IFT88: variants seen among roughly 807,000 people sequenced by gnomAD.
The protein encoded by IFT88 is intraflagellar transport 88, also known as intraflagellar transport protein 88 homolog.
Under a neutral mutation model 119.5 loss-of-function variants are expected in IFT88, and 74 were observed. The ratio of observed to expected loss-of-function variants is 0.62; its 90% CI spans 0.51 to 0.75. The LOEUF is 0.75. Among genes scored for constraint, IFT88 ranks in the 30% least tolerant of loss-of-function variants. IFT88 has a pLI of 0.00. For missense variants in IFT88, 961 were observed against 977.7 expected (o/e 0.98, Z 0.23); for synonymous variants, 279 against 316.7 (o/e 0.88, Z 1.26).
intron 20 of IFT88, among the ~76,000 whole-genome samples, chr13:20,653,424 T>A (rs1304289758): frequency 3.9e-5 from 6 of 152,228 alleles, no homozygotes; most frequent in African/African-American, 1.4e-4. Context: ...TTGATTTCTT[T>A]TTAATGGACA....
intron 14 of IFT88, among the ~76,000 whole-genome samples, chr13:20,617,060 C>T (rs1303739190): frequency 6.6e-6 from 1 of 152,122 alleles, no homozygotes; most frequent in Non-Finnish European, 1.5e-5. Flanking sequence ...TCTCCTGCCT[C>T]AGCCTCCCAA....
chr13:20,618,375 C>T (rs1430002976), intron 14 of IFT88, among the ~76,000 whole-genome samples: 1 of 152,136 alleles, frequency 6.6e-6, no homozygotes, highest in East Asian at 1.9e-4. Context: ...TTGTGTCAAG[C>T]CTCCCCAAGT....
At chr13:20,684,379 T>A (rs998302923) in intron 24 of IFT88, among the ~76,000 whole-genome samples, 3 of 152,098 alleles carry the variant, frequency 2.0e-5, no homozygotes, top group Non-Finnish European at 4.4e-5. Context: ...AACCTCTCCC[T>A]CCTTTGTCTC....
intron 22 of IFT88, among the ~76,000 whole-genome samples, chr13:20,658,602 A>G (rs2053269139): frequency 1.3e-5 from 2 of 152,236 alleles, no homozygotes; most frequent in South Asian, 4.1e-4. Context: ...CTGCTAGGCA[A>G]GAGTTTCTCG....
At chr13:20,635,076 T>C (rs368809044) in intron 16 of IFT88, among the ~76,000 whole-genome samples, 1 of 151,850 alleles carries the variant, frequency 6.6e-6, no homozygotes, top group Non-Finnish European at 1.5e-5. Context: ...GGCAATAGTT[T>C]GCTGAGAATG....
chr13:20,617,166 C>G (rs938962497), intron 14 of IFT88, among the ~76,000 whole-genome samples: 2 of 152,000 alleles, frequency 1.3e-5, no homozygotes, highest in African/African-American at 2.4e-5. Context: ...AAAAGTGATA[C>G]TATTACATAT....
At position 20,691,045 on chromosome 13, in the gene IFT88, G is replaced by A. The variant is rs78322783; in HGVS notation, c.2354-9G>A. ...ATAACTCTAACGTGACAATCTCTTCGAAACCTAGATGCCTCCTATGTGGAC... is the reference window on the plus strand; with the variant it reads ...ATAACTCTAACGTGACAATCTCTTCAAAACCTAGATGCCTCCTATGTGGAC... On this transcript the variant is annotated splice_polypyrimidine_tract_variant and intron_variant, in intron 25 of 25. Transcript: ENST00000351808. The A allele has an allele frequency of 7.9e-4, 1,280 of 1,610,674 alleles. 5 individuals carry two copies. The African/African-American group carries it at 0.014, about 18-fold the overall frequency.
At chr13:20,669,022 A>G (rs187973050) in intron 23 of IFT88, among the ~76,000 whole-genome samples, 101 of 152,272 alleles carry the variant, frequency 6.6e-4, no homozygotes, top group Middle Eastern at 3.4e-3. Context: ...TCCCCAGCAC[A>G]GTGTCCTGGG....
At chr13:20,589,257 A>G (rs915803258) in intron 3 of IFT88, among the ~76,000 whole-genome samples, 2 of 152,226 alleles carry the variant, frequency 1.3e-5, no homozygotes, top group African/African-American at 4.8e-5. Context: ...TGTGAGTGAT[A>G]TTTAATAAAT....
chr13:20,669,479 A>ATTGT (rs2055402669), intron 23 of IFT88, among the ~76,000 whole-genome samples: 1 of 151,010 alleles, frequency 6.6e-6, no homozygotes, highest in Non-Finnish European at 1.5e-5. Context: ...GCTGGCATAC[A>ATTGT]ATGGTGTGAT....
chr13:20,645,745 T>G (rs1469858563), intron 20 of IFT88, among the ~76,000 whole-genome samples: 1 of 152,218 alleles, frequency 6.6e-6, no homozygotes, highest in African/African-American at 2.4e-5. Flanking sequence ...GAATACATCA[T>G]CTTCTGCTTT....
chr13:20,567,930 T>C (rs1243877772), intron 1 of IFT88: 3 of 693,128 alleles, frequency 4.3e-6, no homozygotes, highest in Non-Finnish European at 7.9e-6. Context: ...TGTCCAATCT[T>C]TGGCTTCCCT....
chr13:20,656,373 C>T lies in IFT88; in HGVS notation c.2011C>T (p.Gln671Ter). 1 of 1,455,930 alleles carries T rather than the reference C, an allele frequency of 6.9e-7. No homozygotes were observed. The highest frequency in any genetic ancestry group is 1.3e-5 in the South Asian group (1 of 76,166). 90.2% of individuals were successfully genotyped at this position (1,455,930 alleles called of 1,614,324 possible). A position where few individuals can be genotyped will look rare whatever the true frequency, so the allele number is the denominator to read the frequency against. ...ASCFRRSGNY[Q>*]KALDTYKDTH... ...CTCTTGTTTGTTTATAGGTAACTAC[C>T]AAAAAGCATTAGATACTTACAAAGA... Residue 671 changes from glutamine to a stop codon, truncating the protein, a stop_gained, in exon 22 of 26, where the codon CAA (glutamine) becomes TAA (stop). Coordinates refer to ENST00000351808, the MANE Select transcript of IFT88 (RefSeq NM_006531.5). LOFTEE classifies it high-confidence loss of function.
intron 3 of IFT88, among the ~76,000 whole-genome samples, chr13:20,586,842 T>C (rs2039762415): frequency 6.6e-6 from 1 of 152,238 alleles, no homozygotes; most frequent in South Asian, 2.1e-4. Flanking sequence ...CAACTTTATA[T>C]GTTATCACCT....
At chr13:20,684,873 C>G (rs1176081452) in intron 24 of IFT88, among the ~76,000 whole-genome samples, 1 of 152,224 alleles carries the variant, frequency 6.6e-6, no homozygotes, top group Non-Finnish European at 1.5e-5. Flanking sequence ...GGCGACCCTT[C>G]GACCCGGGTT....
intron 16 of IFT88, among the ~76,000 whole-genome samples, chr13:20,632,528 G>C (rs903953945): frequency 6.6e-6 from 1 of 152,162 alleles, no homozygotes; most frequent in Non-Finnish European, 1.5e-5. Flanking sequence ...TCAGAATAAT[G>C]GCGTGGGAAT....
intron 11 of IFT88, among the ~76,000 whole-genome samples, chr13:20,600,635 GTATT>G (rs2042434335): frequency 6.6e-6 from 1 of 152,202 alleles, no homozygotes; most frequent in African/African-American, 2.4e-5. Context: ...GTTTTGGTGA[GTATT>G]TAGAGAAATT....
In IFT88 at chr13:20,599,532, T is replaced by C. The variant is rs748087750; in HGVS notation, c.779T>C (p.Leu260Ser). 6.5e-7 allele frequency: 1 copy of C among 1,548,926 alleles called. No homozygotes were observed. The highest frequency in any genetic ancestry group is 8.8e-7 in the Non-Finnish European group (1 of 1,130,606). The change falls in exon 11 of 26, where the codon TTA becomes TCA. Residue 260 changes from leucine (L) to serine (S), a missense_variant. Physicochemically the swap from Leu to Ser is moderately radical, Grantham distance 145. Transcript: ENST00000351808. ...GCCATTAAATTCTACCGAATGGCAT[T>C]AGACCAAGTTCCAAGTGTCAATAAG... ...SKAIKFYRMA[L>S]DQVPSVNKQM...
chr13:20,607,130 G>T, intron 13 of IFT88: 1 of 401,056 alleles, frequency 2.5e-6, no homozygotes, highest in Non-Finnish European at 5.1e-6. Flanking sequence ...CCCGGTGACT[G>T]TGTCCTTGTG....
Sources: gnomAD v4.1 joint callset for allele counts (sites outside exome capture counted in the v4.1 genomes callset) on GRCh38, gnomAD v4.1.1 for gene constraint, MANE v1.5 for transcripts, NCBI Gene and HGNC (gene_info 2026-07-23, HGNC 2026-07-21) for gene names.